The following CHRM3 variants were observed in gnomAD, a reference collection of about 807,000 sequenced individuals.
CHRM3 encodes muscarinic acetylcholine receptor M3.
Under a neutral mutation model 41.8 loss-of-function variants are expected in CHRM3, and 11 were observed. The ratio of observed to expected loss-of-function variants is 0.26; its 90% confidence interval spans 0.17 to 0.44. The LOEUF (loss-of-function observed/expected upper bound fraction) is 0.44, where lower values mean the gene tolerates loss of function less well. CHRM3 is among the 20% of genes least tolerant of loss of function. The pLI, the probability that CHRM3 is intolerant of heterozygous loss-of-function variation, is 1.00. For missense variants in CHRM3, 571 were observed against 745.4 expected (o/e 0.77, Z 2.72); for synonymous variants, 297 against 301.4 (o/e 0.99, Z 0.15).
At position 239,688,850 on chromosome 1, in the gene CHRM3, A is replaced by C. The variant is rs1203187006; in HGVS notation, c.-147+10562A>C. On this transcript the variant is annotated intron_variant, in intron 5 of 6. Transcript: ENST00000676153. The stretch of plus-strand genomic sequence containing the variant: ...TATATTATATAATATATATATTTAT[A>C]TATTTTATTTTTATATATTATATAT... Among the ~76,000 whole-genome samples the C allele has an allele frequency of 7.5e-4, 106 of 142,052 alleles. 2 individuals carry two copies. The highest frequency in any genetic ancestry group is 5.5e-4 in the Non-Finnish European group (36 of 66,022). The allele number at this position is 142,052 out of a possible 152,430, so 93.2% of individuals were successfully genotyped here.
At chr1:239,688,713 A>T (rs527882717) in intron 5 of CHRM3, among the ~76,000 whole-genome samples, 1 of 133,978 alleles carries the variant, frequency 7.5e-6, no homozygotes, top group African/African-American at 2.8e-5. Flanking sequence ...TATATAATAC[A>T]TTATTCAATA....
chr1:239,770,513 A>G (rs1247107356), intron 5 of CHRM3, among the ~76,000 whole-genome samples: 1 of 152,196 alleles, frequency 6.6e-6, no homozygotes, highest in Non-Finnish European at 1.5e-5. Context: ...AAGAGCCTGG[A>G]TAAAAATTTC....
At chr1:239,671,585 A>T (rs1335102614) in intron 4 of CHRM3, among the ~76,000 whole-genome samples, 3 of 152,154 alleles carry the variant, frequency 2.0e-5, no homozygotes, top group Non-Finnish European at 2.9e-5. Flanking sequence ...AAGAAAAAAA[A>T]GGCCCAGATG....
chr1:239,618,159 T>G (rs1022134794), intron 3 of CHRM3, among the ~76,000 whole-genome samples: 1 of 151,908 alleles, frequency 6.6e-6, no homozygotes, highest in African/African-American at 2.4e-5. Context: ...TCTTAATGTG[T>G]ATCTGTCTGG....
Position 239,909,435 on chromosome 1 carries a change from A to G in CHRM3, c.*211A>G. Reference sequence around the variant, plus strand: ...TTCAGCAAAAAGAAAAAAAAAACATACTACTGAATATAAAGAAATTTATTC... The same window carrying G: ...TTCAGCAAAAAGAAAAAAAAAACATGCTACTGAATATAAAGAAATTTATTC... On this transcript the variant is annotated 3_prime_UTR_variant, in exon 7 of 7. Transcript: ENST00000676153. The G allele has an allele frequency of 2.2e-6, 1 of 453,432 alleles. No homozygotes were observed. 28.1% of individuals were successfully genotyped at this position (453,432 alleles called of 1,614,324 possible). A position where few individuals can be genotyped will look rare whatever the true frequency, so the allele number is the denominator to read the frequency against.
chr1:239,752,845 C>A (rs1178671986), intron 5 of CHRM3, among the ~76,000 whole-genome samples: 1 of 151,992 alleles, frequency 6.6e-6, no homozygotes, highest in Non-Finnish European at 1.5e-5. Context: ...TAATAGGGTT[C>A]AAACATCAGA....
intron 3 of CHRM3, among the ~76,000 whole-genome samples, chr1:239,564,313 G>A (rs929967963): frequency 5.3e-5 from 8 of 152,028 alleles, no homozygotes; most frequent in Non-Finnish European, 1.2e-4. Flanking sequence ...AGGAACTGAT[G>A]CAAATAAGAG....
chr1:239,555,848 A>G (rs1231024563), intron 3 of CHRM3, among the ~76,000 whole-genome samples: 2 of 152,066 alleles, frequency 1.3e-5, no homozygotes, highest in African/African-American at 4.8e-5. Flanking sequence ...GAAGCCAAAA[A>G]CCCTCATGTG....
chr1:239,467,671 ATATTCTATAAGC>A (rs899622840), intron 1 of CHRM3, among the ~76,000 whole-genome samples: 4 of 152,198 alleles, frequency 2.6e-5, no homozygotes, highest in African/African-American at 9.6e-5. Flanking sequence ...GGTAGTGGAC[ATATTCTATAAGC>A]TTACCTATTG....
intron 5 of CHRM3, among the ~76,000 whole-genome samples, chr1:239,747,424 G>C (rs1665462719): frequency 6.6e-6 from 1 of 152,214 alleles, no homozygotes; most frequent in Non-Finnish European, 1.5e-5. Flanking sequence ...TCAAGATGCA[G>C]AGAACTTCCA....
intron 1 of CHRM3, among the ~76,000 whole-genome samples, chr1:239,455,907 A>G (rs1195040306): frequency 6.6e-6 from 1 of 152,216 alleles, no homozygotes; most frequent in Non-Finnish European, 1.5e-5. Context: ...CCAAAACACC[A>G]GTCACTGGGA....
intron 1 of CHRM3, among the ~76,000 whole-genome samples, chr1:239,405,264 C>T (rs1660503900): frequency 6.6e-6 from 1 of 152,168 alleles, no homozygotes; most frequent in Non-Finnish European, 1.5e-5. Flanking sequence ...AGGTGACCCA[C>T]ACACAATCTC....
chr1:239,484,055 A>G (rs985934859), intron 1 of CHRM3, among the ~76,000 whole-genome samples: 1 of 152,294 alleles, frequency 6.6e-6, no homozygotes, highest in East Asian at 1.9e-4. Context: ...AAGATCTCCA[A>G]AAGATCTTTA....
At chr1:239,514,436 G>T (rs987618641) in intron 2 of CHRM3, among the ~76,000 whole-genome samples, 8 of 151,498 alleles carry the variant, frequency 5.3e-5, no homozygotes, top group African/African-American at 7.3e-5. Context: ...CTTGTTCATT[G>T]CTGGTTTATA....
intron 5 of CHRM3, among the ~76,000 whole-genome samples, chr1:239,817,494 G>A (rs1010759755): frequency 5.3e-5 from 8 of 151,858 alleles, no homozygotes; most frequent in African/African-American, 1.9e-4. Flanking sequence ...GATCACCATG[G>A]GCCAGAGCTC....
intron 3 of CHRM3, among the ~76,000 whole-genome samples, chr1:239,548,778 T>C (rs979746581): frequency 6.6e-6 from 1 of 152,224 alleles, no homozygotes; most frequent in Non-Finnish European, 1.5e-5. Flanking sequence ...CAGCATGCCA[T>C]ACTTCTAGCC....
intron 1 of CHRM3, among the ~76,000 whole-genome samples, chr1:239,477,177 C>T (rs1353589025): frequency 6.6e-6 from 1 of 152,290 alleles, no homozygotes; most frequent in East Asian, 1.9e-4. Flanking sequence ...ATATGTGACT[C>T]AACCACTTTT....
chr1:239,771,483 A>G (rs1487351616), intron 5 of CHRM3, among the ~76,000 whole-genome samples: 2 of 152,056 alleles, frequency 1.3e-5, no homozygotes, highest in East Asian at 1.9e-4. Context: ...CTACAGAAAC[A>G]CTCGCTTCTG....
rs370142781 is a variant in CHRM3 at position 239,767,698 on chromosome 1, A to G, written c.-146-59554A>G. ...TTATTATGTGCCAGGTGATTTAGGT[A>G]TATTATTTTATTTAATCTTCACAAT... On this transcript the variant is annotated intron_variant, in intron 5 of 6. Transcript: ENST00000676153. 5.9e-5 allele frequency among the ~76,000 whole-genome samples: 9 copies of G among 152,286 alleles called. No individual in the cohort carries two copies. In the East Asian group the frequency reaches 1.7e-3, roughly 29 times the overall value.
Sources: gnomAD v4.1 joint callset for allele counts (sites outside exome capture counted in the v4.1 genomes callset) on GRCh38, gnomAD v4.1.1 for gene constraint, MANE v1.5 for transcripts, NCBI Gene and HGNC (gene_info 2026-07-23, HGNC 2026-07-21) for gene names.